Variants in SRGAP1 observed in about 807,000 individuals in gnomAD.
SRGAP1 encodes the protein SLIT-ROBO Rho GTPase-activating protein 1.
Under a neutral mutation model 121.9 loss-of-function variants are expected in SRGAP1, and 43 were observed. That is an observed-to-expected ratio of 0.35 (90% CI 0.28 to 0.46). SRGAP1 has a LOEUF of 0.46. Ranked by LOEUF, SRGAP1 falls within the 20% of genes least tolerant of loss-of-function variation. The pLI is 1.00. For synonymous variants in SRGAP1, 447 were observed against 485.4 expected, an observed-to-expected ratio of 0.92 and a Z score of 1.04; for missense variants, 1,102 against 1,350.9, an observed-to-expected ratio of 0.82 and a Z score of 2.89.
intron 5 of SRGAP1, 124 bp from the exon 6 acceptor site, chr12:64,043,323 T>A: frequency 3.1e-6 from 3 of 976,548 alleles, no homozygotes; most frequent in Non-Finnish European, 4.4e-6. Context: ...GGCAAAGGAC[T>A]TTCAGGGTCA....
rs981824701 is a variant in SRGAP1 at position 64,088,021 on chromosome 12, A to G, written c.1436+995A>G. Among the ~76,000 whole-genome samples, 19 of 152,210 alleles carry G rather than the reference A, an allele frequency of 1.2e-4. 1 individual carries two copies. The highest frequency in any genetic ancestry group is 5.9e-5 in the Non-Finnish European group (4 of 68,034). On this transcript the variant is annotated intron_variant, in intron 11 of 21. Coordinates refer to ENST00000355086, the MANE Select transcript of SRGAP1 (RefSeq NM_020762.4). ...ACAGAAATTATCTAATTAGCATAGC[A>G]AGATGTTGCATTTTTGAAATTGAGT...
intron 1 of SRGAP1, among the ~76,000 whole-genome samples, chr12:63,950,921 C>G (rs1360745788): frequency 1.3e-5 from 2 of 151,650 alleles, no homozygotes; most frequent in African/African-American, 4.8e-5. Flanking sequence ...CATTAGTTGC[C>G]CCACATTAGT....
chr12:64,043,547 A>G lies in SRGAP1; in HGVS notation c.773A>G (p.Tyr258Cys), dbSNP rs749355255. 1.9e-6 allele frequency: 3 copies of G among 1,611,106 alleles called. No individual in the cohort carries two copies. Among genetic ancestry groups the G allele is most frequent in the African/African-American group, 1.3e-5 (1 of 74,830 alleles). The change falls in exon 6 of 22, where the codon TAT (tyrosine) becomes TGT (cysteine). Residue 258 changes from tyrosine to cysteine, a missense_variant. Around this residue, in one of 3 missense-constraint regions of SRGAP1, gnomAD observed 747 missense variants for 929.4 expected, o/e 0.80. Transcript: ENST00000355086. ...ACCAATGCCTCAGTTTTCAAGTACT[A>G]TATTCATGATCTTTCTGATTTAATT... is the stretch of plus-strand genomic sequence containing the variant. Reference protein sequence around the residue: ...EATNASVFKYYIHDLSDLIDC... With the variant: ...EATNASVFKYCIHDLSDLIDC...
intron 10 of SRGAP1, chr12:64,081,687 A>C (rs932892500): frequency 4.0e-5 from 6 of 151,882 alleles, no homozygotes; most frequent in African/African-American, 1.4e-4. Context: ...TAGATATGAT[A>C]ATGGTATTGT....
chr12:63,914,908 T>C (rs17099910), intron 1 of SRGAP1, among the ~76,000 whole-genome samples: 1,667 of 152,318 alleles, frequency 0.011, 29 homozygotes, highest in African/African-American at 0.037. Flanking sequence ...ACAAAGCATC[T>C]AACCTTGCTG....
intron 10 of SRGAP1, 181 bp downstream of exon 10, chr12:64,080,551 C>T (rs566200824): frequency 2.7e-5 from 19 of 691,944 alleles, no homozygotes; most frequent in Non-Finnish European, 4.2e-5. Flanking sequence ...TCTTCTAAAG[C>T]ATGGTGCTAA....
At chr12:64,038,011 G>A (rs975044165) in intron 4 of SRGAP1, among the ~76,000 whole-genome samples, 3 of 152,140 alleles carry the variant, frequency 2.0e-5, no homozygotes, top group Non-Finnish European at 4.4e-5. Flanking sequence ...AGGTTATGGC[G>A]TAGCAGTCCC....
chr12:63,999,693 G>A (rs1329281530), intron 3 of SRGAP1, among the ~76,000 whole-genome samples: 4 of 152,080 alleles, frequency 2.6e-5, no homozygotes, highest in Non-Finnish European at 5.9e-5. Context: ...TGGAAAACAC[G>A]GTGTTTACTT....
chr12:63,918,759 T>C (rs1362678481), intron 1 of SRGAP1, among the ~76,000 whole-genome samples: 3 of 152,194 alleles, frequency 2.0e-5, no homozygotes, highest in African/African-American at 7.2e-5. Flanking sequence ...CATTTGTTCA[T>C]CCATTTATTC....
chr12:64,063,797 A>AT (rs1294628053), intron 7 of SRGAP1, among the ~76,000 whole-genome samples: 8 of 152,172 alleles, frequency 5.3e-5, no homozygotes, highest in African/African-American at 1.9e-4. Context: ...AAACTCATAG[A>AT]TAAAAACTCA....
At chr12:63,926,845 C>T (rs952759694) in intron 1 of SRGAP1, among the ~76,000 whole-genome samples, 1 of 152,072 alleles carries the variant, frequency 6.6e-6, no homozygotes, top group Non-Finnish European at 1.5e-5. Flanking sequence ...CATTCCCTAC[C>T]TTCGTATTAT....
At chr12:63,871,209 A>G (rs551082037) in intron 1 of SRGAP1, among the ~76,000 whole-genome samples, 3 of 152,306 alleles carry the variant, frequency 2.0e-5, no homozygotes, top group Non-Finnish European at 2.9e-5. Context: ...CTTTCTTACA[A>G]TTGCTCTCAA....
At chr12:63,869,865 TCA>T (rs1899789630) in intron 1 of SRGAP1, among the ~76,000 whole-genome samples, 1 of 152,216 alleles carries the variant, frequency 6.6e-6, no homozygotes, top group Admixed American at 6.5e-5. Flanking sequence ...CAGCTTACAT[TCA>T]CAGTGTGTTC....
chr12:63,937,355 T>C (rs774422132), intron 1 of SRGAP1, among the ~76,000 whole-genome samples: 13 of 152,270 alleles, frequency 8.5e-5, no homozygotes, highest in Middle Eastern at 3.4e-3. Context: ...AAGTTGTATA[T>C]CTATATGTGT....
At chr12:64,079,441 C>T (rs573977961) in intron 9 of SRGAP1, among the ~76,000 whole-genome samples, 1 of 150,962 alleles carries the variant, frequency 6.6e-6, no homozygotes, top group Admixed American at 6.6e-5. Context: ...CCAGCCTGGG[C>T]ATCATGGCAA....
intron 1 of SRGAP1, among the ~76,000 whole-genome samples, chr12:63,873,874 A>G (rs536722551): frequency 5.9e-5 from 9 of 151,926 alleles, no homozygotes; most frequent in East Asian, 2.0e-4. Context: ...CAAAAAATAC[A>G]AAAATTAGCC....
chr12:64,112,617 T>G (rs1223610744), intron 17 of SRGAP1, among the ~76,000 whole-genome samples: 3 of 152,172 alleles, frequency 2.0e-5, no homozygotes, highest in African/African-American at 7.2e-5. Context: ...CCATAATTTC[T>G]TTAATCCATT....
At chr12:63,989,531 A>T (rs1308744158) in intron 2 of SRGAP1, among the ~76,000 whole-genome samples, 3 of 80,878 alleles carry the variant, frequency 3.7e-5, no homozygotes, top group Middle Eastern at 5.7e-3. Context: ...GCAAAACCAC[A>T]GTCTGTCTGG....
intron 1 of SRGAP1, among the ~76,000 whole-genome samples, chr12:63,969,803 A>C (rs2032892426): frequency 6.6e-6 from 1 of 151,918 alleles, no homozygotes; most frequent in African/African-American, 2.4e-5. Flanking sequence ...CAAAAAGAAA[A>C]AAAAAAAAAC....
Sources: allele counts gnomAD v4.1 joint callset (sites outside exome capture counted in the v4.1 genomes callset), GRCh38; gene constraint gnomAD v4.1.1; regional missense constraint gnomAD v4.1.1; transcripts MANE v1.5; gene names NCBI Gene and HGNC (gene_info 2026-07-23, HGNC 2026-07-21).